Variants in MORN4 observed in about 807,000 individuals in gnomAD.
MORN4 encodes MORN repeat containing 4, also known as MORN repeat-containing protein 4.
Under a neutral mutation model 16.4 loss-of-function variants are expected in MORN4, and 8 were observed. The ratio of observed to expected loss-of-function variants is 0.49; its 90% CI spans 0.29 to 0.88. The LOEUF (loss-of-function observed/expected upper bound fraction) is 0.88, where lower values mean the gene tolerates loss of function less well. Among genes scored for constraint, MORN4 ranks in the 40% least tolerant of loss-of-function variants. MORN4 has a pLI of 0.09. For synonymous variants in MORN4, 53 were observed against 68.9 expected (o/e 0.77, Z 1.14); for missense variants, 159 against 182.9 (o/e 0.87, Z 0.75).
chr10:97,630,316 C>G (rs917684402), intron 1 of MORN4, among the ~76,000 whole-genome samples: 5 of 152,194 alleles, frequency 3.3e-5, no homozygotes, highest in African/African-American at 9.6e-5. Context: ...ATCCGCCCTC[C>G]TCAACCTCCC....
upstream of MORN4, among the ~76,000 whole-genome samples, chr10:97,634,085 G>A (rs1335852168): frequency 1.3e-5 from 2 of 152,092 alleles, no homozygotes; most frequent in South Asian, 2.1e-4. Context: ...CGGGAGGCTT[G>A]AGCCCAAGAG....
At position 97,617,264 on chromosome 10, in the gene MORN4, A is replaced by G. The variant is rs769636841; in HGVS notation, c.126T>C (p.His42=). 2 of 1,614,194 alleles carry G rather than the reference A, an allele frequency of 1.2e-6. No individual in the cohort carries two copies. Among genetic ancestry groups the G allele is most frequent in the South Asian group, 2.2e-5 (2 of 91,088 alleles). The change falls in exon 3 of 5, where the codon CAT becomes CAC. Residue 42 remains histidine (H), a synonymous_variant. Coordinates refer to ENST00000307450, the MANE Select transcript of MORN4 (RefSeq NM_178832.4). ...MFADGGTYLG[H]FENGLFNGFG... ...AGCCATTAAAGAGCCCATTCTCAAA[A>G]TGACCCAGGTAGGTGCCACCATCTG... is the stretch of plus-strand genomic sequence containing the variant.
In MORN4 at chr10:97,633,246, G is replaced by T. The variant is rs1735472954; in HGVS notation, c.-31+101C>A. The T allele has an allele frequency of 8.2e-7, 1 of 1,217,076 alleles. No individual in the cohort carries two copies. The highest frequency in any genetic ancestry group is 2.5e-5 in the Admixed American group (1 of 39,410). 75.4% of individuals were successfully genotyped at this position (1,217,076 alleles called of 1,614,324 possible). On this transcript the variant is annotated intron_variant, in intron 1 of 4. Coordinates refer to ENST00000307450, the MANE Select transcript of MORN4 (RefSeq NM_178832.4). This position sits in a 1 kb window ranked among gnomAD's most constrained non-coding sequence, Gnocchi z 4.5. ...CTCAGGTCAGCGTATCCGAGGTGGA[G>T]CCGCGCCCCCGAGCCGGGTCATCTC...
intron 1 of MORN4, among the ~76,000 whole-genome samples, chr10:97,620,395 G>A (rs978038664): frequency 2.0e-5 from 3 of 150,500 alleles, no homozygotes; most frequent in African/African-American, 4.9e-5. Flanking sequence ...GGCTGAGGCG[G>A]GAGAATCACT....
Position 97,623,839 on chromosome 10 carries a change from C to A in MORN4, c.-30-4156G>T, listed in dbSNP as rs188069297. ...CAAGCTCTGCCTCCCGGGTTCATGC[C>A]ATTCTCCTGCCTCAGCCTCCCGAGT... On this transcript the variant is annotated intron_variant, in intron 1 of 4. Coordinates refer to ENST00000307450, the MANE Select transcript of MORN4 (RefSeq NM_178832.4). Among the ~76,000 whole-genome samples the A allele has an allele frequency of 4.1e-3, 629 of 151,886 alleles. 4 individuals carry two copies. The highest frequency in any genetic ancestry group is 0.015 in the African/African-American group (603 of 41,384).
chr10:97,627,041 G>A lies in MORN4; in HGVS notation c.-31+6306C>T, dbSNP rs149158450. Among the ~76,000 whole-genome samples the A allele has an allele frequency of 7.5e-3, 1,132 of 151,742 alleles. 5 individuals carry two copies. Among genetic ancestry groups the A allele is most frequent in the Non-Finnish European group, 0.012 (809 of 67,936 alleles). On this transcript the variant is annotated intron_variant, in intron 1 of 4. Coordinates refer to ENST00000307450, the MANE Select transcript of MORN4 (RefSeq NM_178832.4). ...CAAAGTGCTGGGATTACAGGCATGA[G>A]TCACTGTGCCCGGCCTGATTTTTGT...
At position 97,628,297 on chromosome 10, in the gene MORN4, G is replaced by A. The variant is rs181893235; in HGVS notation, c.-31+5050C>T. The stretch of plus-strand genomic sequence containing the variant: ...CTTGTTTTCACTCAAAATTTGGAAG[G>A]AGTTATTGCAGTGGGATTTGAGGAG... On this transcript the variant is annotated intron_variant, in intron 1 of 4. Transcript: ENST00000307450. 2.6e-5 allele frequency among the ~76,000 whole-genome samples: 4 copies of A among 152,298 alleles called. No individual in the cohort carries two copies. In the East Asian group the frequency reaches 5.8e-4, roughly 22 times the overall value.
chr10:97,622,399 A>G (rs2041305873), intron 1 of MORN4, among the ~76,000 whole-genome samples: 1 of 152,146 alleles, frequency 6.6e-6, no homozygotes, highest in South Asian at 2.1e-4. Context: ...ATATTCTATA[A>G]GAAGGGAACT....
intron 1 of MORN4, among the ~76,000 whole-genome samples, chr10:97,620,508 G>GAAAAA (rs796870489): frequency 1.1e-5 from 1 of 88,294 alleles, no homozygotes; most frequent in African/African-American, 4.2e-5. Flanking sequence ...AAAAAAAAAA[G>GAAAAA]AAAAAAAAAA....
rs1162979185 is a variant in MORN4 at position 97,632,212 on chromosome 10, CTTTTT to C, written c.-31+1130_-31+1134del. On this transcript the variant is annotated intron_variant, in intron 1 of 4. Transcript: ENST00000307450. ...GAACAAAAAGTCAAATAATACTCCC[CTTTTT>C]TTTTTTTTTTTTTTTTTTTGAGACG... Among the ~76,000 whole-genome samples, 8 of 86,972 alleles carry C rather than the reference CTTTTT, an allele frequency of 9.2e-5. No individual in the cohort carries two copies. The East Asian group carries it at 1.9e-3, about 20-fold the overall frequency. 57.1% of individuals were successfully genotyped at this position (86,972 alleles called of 152,430 possible).
At chr10:97,626,914 C>A in intron 1 of MORN4, among the ~76,000 whole-genome samples, 1 of 151,740 alleles carries the variant, frequency 6.6e-6, no homozygotes, top group Non-Finnish European at 1.5e-5. Flanking sequence ...CCTGCCACCA[C>A]GCCCAGCTAA....
intron 1 of MORN4, among the ~76,000 whole-genome samples, chr10:97,624,893 T>C (rs576173692): frequency 6.6e-6 from 1 of 152,288 alleles, no homozygotes; most frequent in East Asian, 1.9e-4. Flanking sequence ...GGTTTCACCA[T>C]GTTGGTCAGG....
At chr10:97,631,972 A>C (rs2041399937) in intron 1 of MORN4, among the ~76,000 whole-genome samples, 1 of 151,880 alleles carries the variant, frequency 6.6e-6, no homozygotes, top group African/African-American at 2.4e-5. Flanking sequence ...AACAAAACAA[A>C]AGGTTGGGGC....
intron 2 of MORN4, among the ~76,000 whole-genome samples, chr10:97,618,253 CTCT>C (rs1215626438): frequency 3.5e-5 from 5 of 143,056 alleles, no homozygotes; most frequent in Non-Finnish European, 7.5e-5. Flanking sequence ...GTGCCAGCCT[CTCT>C]TCTTTTTTTT....
chr10:97,621,972 T>G (rs1225552766), intron 1 of MORN4, among the ~76,000 whole-genome samples: 1 of 152,158 alleles, frequency 6.6e-6, no homozygotes, highest in Non-Finnish European at 1.5e-5. Context: ...CTAGCAGAGG[T>G]CTGCAAAGCA....
upstream of MORN4, among the ~76,000 whole-genome samples, chr10:97,633,914 A>G (rs1202501554): frequency 6.6e-6 from 1 of 152,206 alleles, no homozygotes; most frequent in Non-Finnish European, 1.5e-5. This position sits in a 1 kb window ranked among gnomAD's most constrained non-coding sequence, Gnocchi z 4.5. Context: ...TCTGTGCTAG[A>G]CATTGTGATA....
intron 1 of MORN4, among the ~76,000 whole-genome samples, chr10:97,631,878 G>A (rs745881599): frequency 1.3e-5 from 2 of 152,032 alleles, no homozygotes; most frequent in African/African-American, 2.4e-5. Flanking sequence ...AGGCTGCCGG[G>A]GTGAGCAGTG....
chr10:97,622,440 C>T (rs2041306346), intron 1 of MORN4, among the ~76,000 whole-genome samples: 1 of 152,110 alleles, frequency 6.6e-6, no homozygotes. Flanking sequence ...AATCCCAGCA[C>T]TTTGGGAGGC....
At chr10:97,621,881 G>A (rs980967157) in intron 1 of MORN4, among the ~76,000 whole-genome samples, 4 of 151,990 alleles carry the variant, frequency 2.6e-5, no homozygotes, top group Non-Finnish European at 5.9e-5. Flanking sequence ...AAAAGAGGCA[G>A]AGTTTATTTA....
Sources: allele counts gnomAD v4.1 joint callset (sites outside exome capture counted in the v4.1 genomes callset), GRCh38; gene constraint gnomAD v4.1.1; non-coding constraint Gnocchi (gnomAD v3.1); transcripts MANE v1.5; gene names NCBI Gene and HGNC (gene_info 2026-07-23, HGNC 2026-07-21).